Variants in IST1 observed in about 807,000 individuals in gnomAD.
The protein encoded by IST1 is IST1 homolog.
Under a neutral mutation model 37.0 loss-of-function variants are expected in IST1, and 23 were observed. The observed-to-expected ratio is 0.62, with a 90% CI of 0.45 to 0.88. IST1 has a LOEUF of 0.88. IST1 is among the 40% of genes least tolerant of loss of function. IST1 has a pLI of 0.00. For synonymous variants in IST1, 180 were observed against 161.7 expected, an observed-to-expected ratio of 1.11 and a Z score of -0.86; for missense variants, 488 against 445.4, an observed-to-expected ratio of 1.10 and a Z score of -0.86.
chr16:71,910,712 G>C (rs1235887940), intron 1 of IST1, among the ~76,000 whole-genome samples: 1 of 152,140 alleles, frequency 6.6e-6, no homozygotes, highest in East Asian at 1.9e-4. Flanking sequence ...CCTTGGATAA[G>C]GGGGTACTAC....
chr16:71,918,696 G>A (rs1484742260), intron 4 of IST1, among the ~76,000 whole-genome samples: 6 of 152,122 alleles, frequency 3.9e-5, no homozygotes, highest in African/African-American at 9.7e-5. Context: ...GATTACAGGC[G>A]TGAGCCACCA....
intron 1 of IST1, among the ~76,000 whole-genome samples, chr16:71,901,189 G>A (rs1597232038): frequency 6.6e-6 from 1 of 152,110 alleles, no homozygotes; most frequent in East Asian, 1.9e-4. Flanking sequence ...CAAATTCTGA[G>A]ATAGTAATTA....
chr16:71,925,177 T>TA (rs1213382386), intron 9 of IST1, among the ~76,000 whole-genome samples: 18 of 151,202 alleles, frequency 1.2e-4, no homozygotes, highest in Admixed American at 1.1e-3. Flanking sequence ...CATGCCTGGC[T>TA]AATTTTTTTG....
intron 1 of IST1, among the ~76,000 whole-genome samples, chr16:71,912,703 C>A (rs1290881072): frequency 6.6e-6 from 1 of 152,198 alleles, no homozygotes; most frequent in African/African-American, 2.4e-5. Context: ...TGCAACAGAT[C>A]TCCATAAACT....
At chr16:71,904,996 C>G (rs909100347) in intron 1 of IST1, among the ~76,000 whole-genome samples, 8 of 151,808 alleles carry the variant, frequency 5.3e-5, no homozygotes, top group Non-Finnish European at 1.2e-4. Flanking sequence ...TTTTTAAATT[C>G]CATTAAAAAA....
rs1395788006 is a variant in IST1 at position 71,917,084 on chromosome 16, T to C, written c.307T>C (p.Leu103=). 5.6e-6 allele frequency: 9 copies of C among 1,612,642 alleles called. No homozygotes were observed. The highest frequency in any genetic ancestry group is 1.3e-5 in the African/African-American group (1 of 75,012). ...TGGTCTGGCTGAATCTGTGTCTACA[T>C]TGATCTGGGCTGCTCCTCGACTCCA... ...DSGLAESVST[L]IWAAPRLQSE... Residue 103 remains leucine, a synonymous_variant, in exon 4 of 10, where the codon TTG becomes CTG. Coordinates refer to ENST00000378799, the MANE Select transcript of IST1 (RefSeq NM_001270975.2).
At chr16:71,917,350 T>C (rs1280119692) in intron 4 of IST1, among the ~76,000 whole-genome samples, 1 of 152,192 alleles carries the variant, frequency 6.6e-6, no homozygotes, top group East Asian at 1.9e-4. Context: ...GGAGCAAAGT[T>C]TTGTGTATCT....
intron 1 of IST1, among the ~76,000 whole-genome samples, chr16:71,901,306 C>T (rs559788910): frequency 9.2e-5 from 14 of 152,036 alleles, no homozygotes; most frequent in Non-Finnish European, 1.6e-4. Context: ...CTCCACCTCC[C>T]GGGTTCACGC....
At chr16:71,921,533 A>G in intron 6 of IST1, 80 bp downstream of exon 6, 2 of 806,766 alleles carry the variant, frequency 2.5e-6, no homozygotes, top group African/African-American at 1.7e-5. Flanking sequence ...CATTCTTTGC[A>G]CTAACTTAAA....
rs2037775917 is a variant in IST1 at position 71,927,560 on chromosome 16, G to T, written c.902-54G>T. On this transcript the variant is annotated intron_variant, in intron 9 of 9. Transcript: ENST00000378799. ...ATCATTTTATTTTTACTGCCAAAGG[G>T]GATCTGAGTCATTTCTCTGGTATTT... The T allele has an allele frequency of 7.4e-6, 9 of 1,218,722 alleles. 1 individual carries two copies. Among genetic ancestry groups the T allele is most frequent in the Non-Finnish European group, 9.7e-6 (8 of 826,634 alleles). The allele number at this position is 1,218,722 out of a possible 1,614,324, so 75.5% of individuals were successfully genotyped here.
Position 71,920,956 on chromosome 16 carries a change from G to A in IST1, c.441+134G>A. On this transcript the variant is annotated intron_variant, in intron 5 of 9. Coordinates refer to ENST00000378799, the MANE Select transcript of IST1 (RefSeq NM_001270975.2). ...CTTTCATAGTGGGGTGAGGAGGACA[G>A]CTGTGTGGCTGGCAGTGTGGTCCAA... 4.1e-6 allele frequency: 3 copies of A among 727,868 alleles called. No homozygotes were observed. In the Admixed American group the frequency reaches 5.9e-5, roughly 14 times the overall value. The allele number at this position is 727,868 out of a possible 1,614,324, so 45.1% of individuals were successfully genotyped here.
intron 3 of IST1, 32 bp from the exon 4 acceptor site, chr16:71,917,015 A>G (rs1314429096): frequency 1.4e-6 from 2 of 1,421,840 alleles, no homozygotes; most frequent in Non-Finnish European, 2.0e-6. Context: ...TTTGTTTTAA[A>G]GAATGTTATA....
At chr16:71,918,249 T>A (rs2037507452) in intron 4 of IST1, among the ~76,000 whole-genome samples, 1 of 152,198 alleles carries the variant, frequency 6.6e-6, no homozygotes, top group African/African-American at 2.4e-5. Context: ...TTACACTTAA[T>A]TCTTCTGTTG....
intron 1 of IST1, among the ~76,000 whole-genome samples, chr16:71,911,358 T>TAA (rs61090211): frequency 1.5e-3 from 233 of 151,640 alleles, no homozygotes; most frequent in African/African-American, 4.6e-3. Context: ...TACCTTTTTT[T>TAA]AAAAAAAACT....
intron 9 of IST1, among the ~76,000 whole-genome samples, chr16:71,927,190 T>TGAA: frequency 6.6e-6 from 1 of 152,222 alleles, no homozygotes; most frequent in Middle Eastern, 3.2e-3. Flanking sequence ...TTCAAATGTT[T>TGAA]ATTAGCCTCT....
intron 4 of IST1, 24 bp downstream of exon 4, chr16:71,917,158 T>A: frequency 7.3e-7 from 1 of 1,369,188 alleles, no homozygotes; most frequent in Non-Finnish European, 1.0e-6. Context: ...GTTTCAGTGA[T>A]GTCTGTAGCT....
intron 4 of IST1, among the ~76,000 whole-genome samples, 163 bp downstream of exon 4, chr16:71,917,297 G>A (rs1756094436): frequency 1.3e-5 from 2 of 149,524 alleles, no homozygotes; most frequent in African/African-American, 2.4e-5. Flanking sequence ...GCCTTATATC[G>A]TAGAATAGAA....
Position 71,922,478 on chromosome 16 carries a change from A to C in IST1, c.557A>C (p.Glu186Ala), listed in dbSNP as rs767817238. The change falls in exon 7 of 10, where the codon GAA becomes GCA. Residue 186 changes from glutamate (E) to alanine (A), a missense_variant. By Grantham distance (107) the Glu-to-Ala change is moderately radical. Transcript: ENST00000378799. ...PYEPDSVVMA[E>A]APPGVETDLI... ...GGGTTTCTCTTTTTTTCTCAGGCAG[A>C]AGCTCCTCCTGGGGTAGAGACAGAT... The C allele has an allele frequency of 2.5e-6, 4 of 1,613,924 alleles. No homozygotes were observed. In the East Asian group the frequency reaches 8.9e-5, roughly 36 times the overall value.
chr16:71,901,302 C>G (rs570566316), intron 1 of IST1, among the ~76,000 whole-genome samples: 1 of 152,262 alleles, frequency 6.6e-6, no homozygotes, highest in East Asian at 1.9e-4. Context: ...CAAGCTCCAC[C>G]TCCCGGGTTC....
Sources: allele counts gnomAD v4.1 joint callset (sites outside exome capture counted in the v4.1 genomes callset), GRCh38; gene constraint gnomAD v4.1.1; transcripts MANE v1.5; gene names NCBI Gene and HGNC (gene_info 2026-07-23, HGNC 2026-07-21).